ZNF485: variants seen among roughly 807,000 people sequenced by gnomAD.
The protein encoded by ZNF485 is zinc finger protein 485.
In ZNF485, 9 loss-of-function variants were observed where a neutral mutation model predicts 10.8. The ratio of observed to expected loss-of-function variants is 0.83; its 90% CI spans 0.50 to 1.45. ZNF485 has a LOEUF of 1.45. Ranked by LOEUF, ZNF485 falls within the 40% of genes most tolerant of loss-of-function variation. ZNF485 has a pLI of 0.00. For synonymous variants in ZNF485, 187 were observed against 181.0 expected (o/e 1.03, Z -0.27); for missense variants, 487 against 528.0 (o/e 0.92, Z 0.76).
chr10:43,611,317 C>T (rs1327881608), intron 4 of ZNF485, among the ~76,000 whole-genome samples: 1 of 152,086 alleles, frequency 6.6e-6, no homozygotes, highest in East Asian at 1.9e-4. Flanking sequence ...ATCCTCTTGC[C>T]TCAGTTTCCT....
At chr10:43,607,793 T>C (rs1317587476) in intron 2 of ZNF485, among the ~76,000 whole-genome samples, 2 of 152,224 alleles carry the variant, frequency 1.3e-5, no homozygotes, top group African/African-American at 4.8e-5. Context: ...TTTTTTCTTT[T>C]AGTATTTCAT....
intron 4 of ZNF485, among the ~76,000 whole-genome samples, chr10:43,615,635 C>T (rs1588842477): frequency 6.6e-6 from 1 of 152,200 alleles, no homozygotes; most frequent in African/African-American, 2.4e-5. Context: ...CTCCTGACCT[C>T]AAGTAATCCA....
Position 43,607,212 on chromosome 10 carries a change from G to T in ZNF485, c.24+138G>T. The T allele has an allele frequency of 4.1e-6, 4 of 973,230 alleles. No homozygotes were observed. In the South Asian group the frequency reaches 4.4e-5, roughly 11 times the overall value. 60.3% of individuals were successfully genotyped at this position (973,230 alleles called of 1,614,324 possible). A position where few individuals can be genotyped will look rare whatever the true frequency, so the allele number is the denominator to read the frequency against. On this transcript the variant is annotated intron_variant, in intron 2 of 4. Coordinates refer to ENST00000361807, the MANE Select transcript of ZNF485 (RefSeq NM_145312.4). ...ATCCTGGATGGGTCCCGCGATTTCC[G>T]TCCTGTCTACCCATTACGTAGTCAT...
chr10:43,611,889 A>G (rs889058882), intron 4 of ZNF485, among the ~76,000 whole-genome samples: 1 of 152,176 alleles, frequency 6.6e-6, no homozygotes. Flanking sequence ...CATTCAGGAA[A>G]TTAATTGTAT....
chr10:43,617,206 G>A lies in ZNF485; in HGVS notation c.1163G>A (p.Gly388Glu), dbSNP rs1235220377. ...GEKPYHCKKCGKAFRHSSGLV... is the reference protein window; with the variant it reads ...GEKPYHCKKCEKAFRHSSGLV... Reference sequence around the variant, plus strand: ...AAACCCTATCACTGTAAGAAATGTGGGAAAGCCTTTCGGCACAGCTCAGGC... The same window carrying A: ...AAACCCTATCACTGTAAGAAATGTGAGAAAGCCTTTCGGCACAGCTCAGGC... Residue 388 changes from glycine (G) to glutamate (E), a missense_variant, in exon 5 of 5, where the codon GGG becomes GAG. Gly to Glu is a moderately conservative substitution (Grantham distance 98). Coordinates refer to ENST00000361807, the MANE Select transcript of ZNF485 (RefSeq NM_145312.4). The A allele has an allele frequency of 6.2e-7, 1 of 1,614,088 alleles. No individual in the cohort carries two copies. The highest frequency in any genetic ancestry group is 1.3e-5 in the African/African-American group (1 of 74,932).
At position 43,616,350 on chromosome 10, in the gene ZNF485, T is replaced by A. The variant is rs111839423; in HGVS notation, c.307T>A (p.Ser103Thr). 1 of 1,611,804 alleles carries A rather than the reference T, an allele frequency of 6.2e-7. No homozygotes were observed. The highest frequency in any genetic ancestry group is 8.5e-7 in the Non-Finnish European group (1 of 1,179,412). Residue 103 changes from serine (S) to threonine (T), a missense_variant, in exon 5 of 5, where the codon TCT (serine) becomes ACT (threonine). By Grantham distance (58) the Ser-to-Thr change is moderately conservative. Coordinates refer to ENST00000361807, the MANE Select transcript of ZNF485 (RefSeq NM_145312.4). ...SALKQSTSEA[S>T]VLGERTKSVM... ...CCTAAAGCAAAGCACTTCTGAAGCA[T>A]CTGTTCTGGGAGAGCGAACGAAAAG... is the stretch of plus-strand genomic sequence containing the variant.
In ZNF485 at chr10:43,616,475, C is replaced by A; in HGVS notation, c.432C>A (p.Ser144=). 1 of 1,613,978 alleles carries A rather than the reference C, an allele frequency of 6.2e-7. No homozygotes were observed. Among genetic ancestry groups the A allele is most frequent in the East Asian group, 2.2e-5 (1 of 44,884 alleles). Residue 144 remains serine, a synonymous_variant, in exon 5 of 5, where the codon TCC becomes TCA. Transcript: ENST00000361807. ...GGAAAGTCTTCAAATACAATTCGTC[C>A]TTTATTAGCCACCAGAGAAATCACA... ...ECGKVFKYNS[S]FISHQRNHTS... is the part of the protein sequence containing the mutation.
intron 4 of ZNF485, among the ~76,000 whole-genome samples, chr10:43,615,854 CT>C: frequency 6.6e-6 from 1 of 152,314 alleles, no homozygotes; most frequent in South Asian, 2.1e-4. Flanking sequence ...TCACAGAGAA[CT>C]ATTTTTCTCA....
Position 43,617,276 on chromosome 10 carries a change from A to G in ZNF485, c.1233A>G (p.Lys411=). Residue 411 remains lysine (K), a synonymous_variant, in exon 5 of 5, where the codon AAA becomes AAG. Coordinates refer to ENST00000361807, the MANE Select transcript of ZNF485 (RefSeq NM_145312.4). ...QRLHTGEKPY[K]CNECGKAFPR... is the part of the protein sequence containing the mutation. ...TCCATACTGGGGAAAAACCTTATAAATGTAATGAATGTGGGAAAGCTTTTC... is the reference window on the plus strand; with the variant it reads ...TCCATACTGGGGAAAAACCTTATAAGTGTAATGAATGTGGGAAAGCTTTTC... The G allele has an allele frequency of 6.2e-7, 1 of 1,611,740 alleles. No individual in the cohort carries two copies.
rs78524172 is a variant in ZNF485 at position 43,609,213 on chromosome 10, T to A, written c.152-42T>A. The A allele has an allele frequency of 7.8e-6, 10 of 1,290,042 alleles. No homozygotes were observed. In the African/African-American group the frequency reaches 9.0e-5, roughly 12 times the overall value. 79.9% of individuals were successfully genotyped at this position (1,290,042 alleles called of 1,614,324 possible). On this transcript the variant is annotated intron_variant, in intron 3 of 4. Transcript: ENST00000361807. Reference sequence around the variant, plus strand: ...CCGCCATCACATTCCTTTTCATTCATTTTTTTTTTCTTCCTCTAAGATCCT... The same window carrying A: ...CCGCCATCACATTCCTTTTCATTCAATTTTTTTTTCTTCCTCTAAGATCCT...
In ZNF485 at chr10:43,616,312, C is replaced by CA. The variant is rs1302844444; in HGVS notation, c.272dup (p.Met92AspfsTer10). The CA allele has an allele frequency of 6.4e-7, 1 of 1,565,992 alleles. No homozygotes were observed. The highest frequency in any genetic ancestry group is 1.2e-5 in the South Asian group (1 of 84,796). On this transcript the variant is annotated frameshift_variant, in exon 5 of 5. Transcript: ENST00000361807. LOFTEE classifies it low-confidence loss of function (END_TRUNC). ...TCAGTCGAGGATTACTGGTTTGAAA[C>CA]AAAGATGTCAGCCCTAAAGCAAAGC...
intron 4 of ZNF485, among the ~76,000 whole-genome samples, chr10:43,611,237 A>T (rs970682859): frequency 9.2e-5 from 14 of 151,794 alleles, no homozygotes; most frequent in Middle Eastern, 6.8e-3. Flanking sequence ...ATTTATTTTT[A>T]AATTTTTTTT....
chr10:43,613,617 A>C (rs1838804625), intron 4 of ZNF485, among the ~76,000 whole-genome samples: 1 of 152,238 alleles, frequency 6.6e-6, no homozygotes, highest in African/African-American at 2.4e-5. Context: ...ATTCAGATGC[A>C]TATATGGCAT....
Position 43,616,899 on chromosome 10 carries a change from T to C in ZNF485, c.856T>C (p.Leu286=). ...AGCTTTCAGGGATAATTCAACTGTG[T>C]TGGAACATCAGAAAATCCATACTGG... The part of the protein sequence containing the change: ...GRAFRDNSTV[L]EHQKIHTGEK... The change falls in exon 5 of 5, where the codon TTG becomes CTG. Residue 286 remains leucine (L), a synonymous_variant. Transcript: ENST00000361807. The C allele has an allele frequency of 6.2e-7, 1 of 1,614,100 alleles. No individual in the cohort carries two copies.
chr10:43,609,137 GCAGATGCTCAAGTTGA>G, intron 3 of ZNF485, 102 bp from the exon 4 acceptor site: 1 of 768,236 alleles, frequency 1.3e-6, no homozygotes, highest in Non-Finnish European at 2.2e-6. Context: ...CATGCTCATT[GCAGATGCTCAAGTTGA>G]CACTGAGGTC....
rs562465289 is a variant in ZNF485, at chr10:43,611,456, C to T, written c.247+2106C>T. 5.8e-4 allele frequency among the ~76,000 whole-genome samples: 88 copies of T among 152,236 alleles called. 1 individual carries two copies. In the Middle Eastern group the frequency reaches 0.01, roughly 18 times the overall value. On this transcript the variant is annotated intron_variant, in intron 4 of 4. Coordinates refer to ENST00000361807, the MANE Select transcript of ZNF485 (RefSeq NM_145312.4). ...GTTATCTTTAGTGGACATAATGACT[C>T]TGAACAATGTTGCAGTGATTATCCT...
chr10:43,617,575 T>TG lies in ZNF485; in HGVS notation c.*206_*207insG, dbSNP rs1838890484. 1 of 475,302 alleles carries TG rather than the reference T, an allele frequency of 2.1e-6. No individual in the cohort carries two copies. Among genetic ancestry groups the TG allele is most frequent in the Non-Finnish European group, 3.7e-6 (1 of 272,100 alleles). 29.4% of individuals were successfully genotyped at this position (475,302 alleles called of 1,614,324 possible). A position where few individuals can be genotyped will look rare whatever the true frequency, so the allele number is the denominator to read the frequency against. On this transcript the variant is annotated 3_prime_UTR_variant, in exon 5 of 5. Coordinates refer to ENST00000361807, the MANE Select transcript of ZNF485 (RefSeq NM_145312.4). ...GTAGTTATAGCATACTGTGTGCTAA[T>TG]TGAAAAGAATGAGGTGGAGCTGTAA...
At position 43,616,516 on chromosome 10, in the gene ZNF485, A is replaced by G; in HGVS notation, c.473A>G (p.His158Arg). 6.2e-7 allele frequency: 1 copy of G among 1,614,194 alleles called. No individual in the cohort carries two copies. The highest frequency in any genetic ancestry group is 1.7e-5 in the Admixed American group (1 of 60,010). ...AGAAATCACACCAGTGAGAAACCAC[A>G]TAAATGTAAAGAATGTGGGATCGCC... The part of the protein sequence containing the change: ...HQRNHTSEKP[H>R]KCKECGIAFM... The change falls in exon 5 of 5, where the codon CAT becomes CGT. Residue 158 changes from histidine to arginine, a missense_variant. Physicochemically the swap from His to Arg is conservative, Grantham distance 29. Coordinates refer to ENST00000361807, the MANE Select transcript of ZNF485 (RefSeq NM_145312.4).
chr10:43,606,753 C>A (rs1349995896), intron 1 of ZNF485, among the ~76,000 whole-genome samples: 1 of 152,216 alleles, frequency 6.6e-6, no homozygotes, highest in Non-Finnish European at 1.5e-5. Flanking sequence ...TGCGCCCCGG[C>A]CGACAGATTG....
Sources: allele counts gnomAD v4.1 joint callset (sites outside exome capture counted in the v4.1 genomes callset), GRCh38; gene constraint gnomAD v4.1.1; transcripts MANE v1.5; gene names NCBI Gene and HGNC (gene_info 2026-07-23, HGNC 2026-07-21).